Variants in ADAMTSL1 observed in about 807,000 individuals in gnomAD.
ADAMTSL1 encodes the protein ADAMTS like 1.
A neutral mutation model predicts 201.8 loss-of-function variants in ADAMTSL1; 126 were observed. That is an observed-to-expected ratio of 0.62 (90% CI 0.54 to 0.72). ADAMTSL1 has a LOEUF of 0.72. ADAMTSL1 is among the 30% of genes least tolerant of loss of function. ADAMTSL1 has a pLI of 0.00. For missense variants in ADAMTSL1, 2,679 were observed against 2,277.8 expected, an observed-to-expected ratio of 1.18 and a Z score of -3.59; for synonymous variants, 1,121 against 903.4, an observed-to-expected ratio of 1.24 and a Z score of -4.32.
chr9:18,666,255 T>C (rs1180195395), intron 9 of ADAMTSL1, among the ~76,000 whole-genome samples: 1 of 152,176 alleles, frequency 6.6e-6, no homozygotes, highest in Non-Finnish European at 1.5e-5. Flanking sequence ...AACACTTTGT[T>C]TCCTGGCCAA....
intron 2 of ADAMTSL1, among the ~76,000 whole-genome samples, chr9:18,231,226 A>G (rs576431085): frequency 4.5e-4 from 69 of 152,186 alleles, no homozygotes; most frequent in African/African-American, 1.2e-3. Context: ...AAAACATTTC[A>G]TATATGTTCT....
At chr9:18,497,953 A>C (rs375799382) in intron 1 of ADAMTSL1, among the ~76,000 whole-genome samples, 2 of 152,230 alleles carry the variant, frequency 1.3e-5, no homozygotes, top group African/African-American at 4.8e-5. Flanking sequence ...GTTTCCTAAA[A>C]AGTGATGAAG....
chr9:18,469,944 A>T (rs1188579742), upstream of ADAMTSL1, among the ~76,000 whole-genome samples: 1 of 152,230 alleles, frequency 6.6e-6, no homozygotes, highest in Non-Finnish European at 1.5e-5. Flanking sequence ...CATTAAAAAC[A>T]TCTATGTGAA....
At chr9:18,196,748 C>G (rs752544527) in intron 2 of ADAMTSL1, among the ~76,000 whole-genome samples, 25 of 152,096 alleles carry the variant, frequency 1.6e-4, no homozygotes, top group Non-Finnish European at 2.8e-4. Flanking sequence ...TCACTCCTTG[C>G]TTACTAACCC....
intron 2 of ADAMTSL1, among the ~76,000 whole-genome samples, chr9:18,353,242 G>C (rs972053935): frequency 3.9e-5 from 6 of 152,172 alleles, no homozygotes; most frequent in Non-Finnish European, 7.3e-5. Context: ...AGTAGTAGCA[G>C]CAGTGGTAAA....
intron 13 of ADAMTSL1, among the ~76,000 whole-genome samples, chr9:18,687,851 A>G (rs1830930613): frequency 6.6e-6 from 1 of 152,200 alleles, no homozygotes. Flanking sequence ...GAATGTACCA[A>G]CAGCCAACAT....
intron 2 of ADAMTSL1, among the ~76,000 whole-genome samples, chr9:18,529,417 G>A (rs945513740): frequency 6.6e-6 from 1 of 152,056 alleles, no homozygotes; most frequent in African/African-American, 2.4e-5. Flanking sequence ...CTTATTGTTT[G>A]ATAGACTTAG....
intron 2 of ADAMTSL1, among the ~76,000 whole-genome samples, chr9:18,244,689 A>G (rs921350355): frequency 2.6e-5 from 4 of 152,058 alleles, no homozygotes; most frequent in African/African-American, 9.7e-5. Context: ...CCTTTGGTAC[A>G]TTCCAATTTT....
chr9:18,688,192 C>T (rs544627739), intron 13 of ADAMTSL1, among the ~76,000 whole-genome samples: 5 of 151,458 alleles, frequency 3.3e-5, no homozygotes, highest in East Asian at 3.9e-4. Context: ...GGCGTGATCT[C>T]GGCTCACTGC....
intron 2 of ADAMTSL1, among the ~76,000 whole-genome samples, chr9:18,184,299 C>T (rs531392721): frequency 9.2e-5 from 14 of 152,268 alleles, no homozygotes; most frequent in South Asian, 4.1e-4. Flanking sequence ...CTGAACTTCT[C>T]GTGCCTGGAA....
At chr9:18,844,786 C>A (rs1825983735) in intron 23 of ADAMTSL1, among the ~76,000 whole-genome samples, 2 of 152,228 alleles carry the variant, frequency 1.3e-5, no homozygotes, top group African/African-American at 4.8e-5. Flanking sequence ...GCAGTTTGAT[C>A]TCAGACTGCC....
At chr9:17,974,126 C>T (rs1668002103) in intron 1 of ADAMTSL1, among the ~76,000 whole-genome samples, 1 of 151,898 alleles carries the variant, frequency 6.6e-6, no homozygotes, top group Non-Finnish European at 1.5e-5. Flanking sequence ...ATGAGAAACC[C>T]ACAGCCAATA....
At chr9:18,665,314 A>G (rs1244381654) in intron 9 of ADAMTSL1, among the ~76,000 whole-genome samples, 2 of 152,118 alleles carry the variant, frequency 1.3e-5, no homozygotes, top group Admixed American at 6.6e-5. Context: ...ATAGGTAAAC[A>G]TTATACATTT....
intron 1 of ADAMTSL1, among the ~76,000 whole-genome samples, chr9:18,111,125 C>T (rs1824987712): frequency 6.6e-6 from 1 of 152,034 alleles, no homozygotes; most frequent in Non-Finnish European, 1.5e-5. Flanking sequence ...AAAAATTGAC[C>T]TTTTGCTTTT....
chr9:18,872,028 G>A (rs188217648), intron 23 of ADAMTSL1, among the ~76,000 whole-genome samples: 2 of 152,244 alleles, frequency 1.3e-5, no homozygotes, highest in East Asian at 3.9e-4. Context: ...AACCAAGTCA[G>A]TAGTTTTTAC....
At chr9:18,900,200 T>A (rs1484208659) in intron 26 of ADAMTSL1, among the ~76,000 whole-genome samples, 1 of 152,138 alleles carries the variant, frequency 6.6e-6, no homozygotes, top group African/African-American at 2.4e-5. Context: ...CACTGATCAT[T>A]AGAGAAATGC....
intron 2 of ADAMTSL1, among the ~76,000 whole-genome samples, chr9:18,265,422 T>C (rs1832083268): frequency 6.6e-6 from 1 of 152,232 alleles, no homozygotes; most frequent in African/African-American, 2.4e-5. Context: ...ATTACTAGCC[T>C]GGTATTTATT....
chr9:18,200,291 A>G (rs759415909), intron 2 of ADAMTSL1, among the ~76,000 whole-genome samples: 1 of 151,984 alleles, frequency 6.6e-6, no homozygotes, highest in African/African-American at 2.4e-5. Flanking sequence ...AAATTTGTAC[A>G]CAAGTCAGAT....
chr9:18,633,688 T>G (rs930077198), intron 5 of ADAMTSL1, among the ~76,000 whole-genome samples: 1 of 151,916 alleles, frequency 6.6e-6, no homozygotes, highest in African/African-American at 2.4e-5. Flanking sequence ...TTACACTTTT[T>G]TCTGTTGTTG....
Sources: gnomAD v4.1 joint callset for allele counts (sites outside exome capture counted in the v4.1 genomes callset) on GRCh38, gnomAD v4.1.1 for gene constraint, MANE v1.5 for transcripts, NCBI Gene and HGNC (gene_info 2026-07-23, HGNC 2026-07-21) for gene names.